Variants in RAPGEF1 observed in about 807,000 individuals in gnomAD.
The protein encoded by RAPGEF1 is CRK SH3-binding GNRP.
RAPGEF1 carries 33 observed loss-of-function variants against 143.3 expected under a neutral mutation model. That is an observed-to-expected ratio of 0.23 (90% CI 0.17 to 0.31). RAPGEF1 has a LOEUF of 0.31. Among genes scored for constraint, RAPGEF1 ranks in the 10% least tolerant of loss-of-function variants. The pLI, the probability that RAPGEF1 is intolerant of heterozygous loss-of-function variation, is 1.00. For synonymous variants in RAPGEF1, 629 were observed against 676.5 expected (o/e 0.93, Z 1.09); for missense variants, 1,199 against 1,645.4 (o/e 0.73, Z 4.69).
chr9:131,700,023 A>C (rs1834510556), intron 1 of RAPGEF1, among the ~76,000 whole-genome samples: 1 of 152,004 alleles, frequency 6.6e-6, no homozygotes, highest in Non-Finnish European at 1.5e-5. Flanking sequence ...ACACAGCCCC[A>C]ATCATCCCCC....
chr9:131,669,946 G>A (rs944093624), intron 1 of RAPGEF1, among the ~76,000 whole-genome samples: 2 of 152,186 alleles, frequency 1.3e-5, no homozygotes, highest in Non-Finnish European at 2.9e-5. Context: ...AGCTGGCAGC[G>A]ATGACAATGG....
At chr9:131,629,343 G>GAAGAAC in intron 6 of RAPGEF1, 89 bp from the exon 7 acceptor site, 1 of 1,326,438 alleles carries the variant, frequency 7.5e-7, no homozygotes, top group Non-Finnish European at 1.0e-6. Context: ...ACGTGACCAG[G>GAAGAAC]AAGAACACAG....
intron 1 of RAPGEF1, among the ~76,000 whole-genome samples, chr9:131,707,105 A>G (rs1265103409): frequency 3.3e-5 from 5 of 152,228 alleles, no homozygotes; most frequent in Admixed American, 3.3e-4. Flanking sequence ...TTTCTATTCT[A>G]AAAGTGGTGC....
At chr9:131,605,712 C>T (rs1026291363) in intron 12 of RAPGEF1, among the ~76,000 whole-genome samples, 8 of 151,910 alleles carry the variant, frequency 5.3e-5, no homozygotes, top group African/African-American at 1.5e-4. Flanking sequence ...GAAATGCTAA[C>T]GATGTCTGAG....
chr9:131,725,905 C>G (rs997993313), intron 1 of RAPGEF1, among the ~76,000 whole-genome samples: 1 of 151,798 alleles, frequency 6.6e-6, no homozygotes, highest in Non-Finnish European at 1.5e-5. Context: ...ACTACAGGCG[C>G]GTGCCACCAT....
In RAPGEF1 at chr9:131,628,960, G is replaced by T; in HGVS notation, c.893+142C>A. 2 of 1,171,064 alleles carry T rather than the reference G, an allele frequency of 1.7e-6. No homozygotes were observed. The highest frequency in any genetic ancestry group is 2.3e-6 in the Non-Finnish European group (2 of 857,018). The allele number at this position is 1,171,064 out of a possible 1,614,324, so 72.5% of individuals were successfully genotyped here. A position where few individuals can be genotyped will look rare whatever the true frequency, so the allele number is the denominator to read the frequency against. On this transcript the variant is annotated intron_variant, in intron 7 of 26. Transcript: ENST00000683357. This position sits in a 1 kb window ranked among gnomAD's most constrained non-coding sequence, Gnocchi z 5.7. ...AGCTCAGGGTGGCCAGCGAGGGCCGGCGGGGTGGGGACAGCTCCAGAGTCA... is the reference window on the plus strand; with the variant it reads ...AGCTCAGGGTGGCCAGCGAGGGCCGTCGGGGTGGGGACAGCTCCAGAGTCA...
Position 131,629,185 on chromosome 9 carries a change from T to G in RAPGEF1, c.810A>C (p.Ser270=). Residue 270 remains serine (S), a synonymous_variant, in exon 7 of 27, where the codon TCA becomes TCC. Coordinates refer to ENST00000683357, the MANE Select transcript of RAPGEF1 (RefSeq NM_001377935.1). The stretch of plus-strand genomic sequence containing the variant: ...CCGTGGCATCTGGGAGGAGCTCAGT[T>G]GACTGTGACATCCCAGTCGTCTTGT... The part of the protein sequence containing the change: ...ILNKTTGMSQ[S]TELLPDATDE... 1.2e-6 allele frequency: 2 copies of G among 1,613,984 alleles called. No individual in the cohort carries two copies. Among genetic ancestry groups the G allele is most frequent in the Non-Finnish European group, 1.7e-6 (2 of 1,179,858 alleles).
At chr9:131,590,424 G>A (rs1954015315) in intron 18 of RAPGEF1, among the ~76,000 whole-genome samples, 1 of 152,142 alleles carries the variant, frequency 6.6e-6, no homozygotes, top group Non-Finnish European at 1.5e-5. Flanking sequence ...TTTCCATCCT[G>A]AGGCTGCCTC....
At chr9:131,695,020 C>T (rs1445424960) in intron 1 of RAPGEF1, among the ~76,000 whole-genome samples, 4 of 145,998 alleles carry the variant, frequency 2.7e-5, no homozygotes, top group African/African-American at 7.6e-5. Context: ...ATTGTTCACG[C>T]ACTTTCTTTA....
At chr9:131,638,969 T>G (rs943484288) in intron 4 of RAPGEF1, among the ~76,000 whole-genome samples, 178 bp from the exon 5 acceptor site, 3 of 152,144 alleles carry the variant, frequency 2.0e-5, no homozygotes, top group Non-Finnish European at 2.9e-5. Context: ...CAACAAAGAT[T>G]TTGTGGAGCT....
intron 1 of RAPGEF1, among the ~76,000 whole-genome samples, chr9:131,721,659 C>T (rs1317086741): frequency 1.3e-5 from 2 of 152,050 alleles, no homozygotes; most frequent in Non-Finnish European, 2.9e-5. Context: ...GACATTTGGC[C>T]CTCTGTAGCC....
chr9:131,589,828 T>A (rs1588230282), intron 19 of RAPGEF1, 58 bp downstream of exon 19: 2 of 1,483,542 alleles, frequency 1.3e-6, no homozygotes, highest in Non-Finnish European at 1.9e-6. Context: ...GAGAAGCAGG[T>A]GGAATGGAGC....
In RAPGEF1 at chr9:131,698,835, G is replaced by A. The variant is rs548485480; in HGVS notation, c.61+40935C>T. On this transcript the variant is annotated intron_variant, in intron 1 of 26. Transcript: ENST00000683357. ...ATTGTAGACACTTGAGGAACCCTAG[G>A]CAAGACCAGGAGCCCAGCAGCCCAG... Among the ~76,000 whole-genome samples the A allele has an allele frequency of 2.6e-5, 4 of 152,308 alleles. No individual in the cohort carries two copies. In the East Asian group the frequency reaches 7.7e-4, roughly 29 times the overall value.
intron 21 of RAPGEF1, 34 bp downstream of exon 21, chr9:131,587,908 C>T (rs1953448781): frequency 6.4e-7 from 1 of 1,560,440 alleles, no homozygotes; most frequent in African/African-American, 1.4e-5. Context: ...CAGGGACAAA[C>T]AGTGTGGCTC....
intron 14 of RAPGEF1, among the ~76,000 whole-genome samples, 188 bp downstream of exon 14, chr9:131,603,773 C>T (rs1956657391): frequency 1.3e-5 from 2 of 152,214 alleles, no homozygotes; most frequent in Non-Finnish European, 1.5e-5. Context: ...GGCAGACCTC[C>T]ACCTGGAAGC....
intron 1 of RAPGEF1, among the ~76,000 whole-genome samples, chr9:131,691,719 A>C (rs1833792757): frequency 6.6e-6 from 1 of 152,190 alleles, no homozygotes; most frequent in African/African-American, 2.4e-5. Context: ...CCAGAACTCT[A>C]ATAAAGAAAC....
chr9:131,624,570 G>C (rs556409880), intron 10 of RAPGEF1, among the ~76,000 whole-genome samples: 1 of 152,210 alleles, frequency 6.6e-6, no homozygotes, highest in South Asian at 2.1e-4. Context: ...CAGCTTGCAA[G>C]GATGCCATCC....
intron 1 of RAPGEF1, among the ~76,000 whole-genome samples, chr9:131,699,803 G>C (rs1441155851): frequency 6.6e-6 from 1 of 152,056 alleles, no homozygotes; most frequent in Non-Finnish European, 1.5e-5. Flanking sequence ...GAGTGCTCTG[G>C]GGCTCAGGCT....
Position 131,628,619 on chromosome 9 carries a change from C to G in RAPGEF1, c.947G>C (p.Arg316Pro). Reference sequence around the variant, plus strand: ...GCTCATGGGGGCCACCACAGCCACTCGGGTAGGGGACGGCGCCGACTGTCT... The same window carrying G: ...GCTCATGGGGGCCACCACAGCCACTGGGGTAGGGGACGGCGCCGACTGTCT... The part of the protein sequence containing the change: ...KKRQSAPSPT[R>P]VAVVAPMSRA... The change falls in exon 8 of 27, where the codon CGA becomes CCA. Residue 316 changes from arginine (R) to proline (P), a missense_variant. Transcript: ENST00000683357. The surrounding 1 kb of genome is among the most constrained non-coding windows in gnomAD (Gnocchi z 5.7). 2 of 1,613,068 alleles carry G rather than the reference C, an allele frequency of 1.2e-6. No homozygotes were observed. Among genetic ancestry groups the G allele is most frequent in the South Asian group, 2.2e-5 (2 of 91,044 alleles).
Sources: gnomAD v4.1 joint callset for allele counts (sites outside exome capture counted in the v4.1 genomes callset) on GRCh38, gnomAD v4.1.1 for gene constraint, Gnocchi (gnomAD v3.1) non-coding constraint, MANE v1.5 for transcripts, NCBI Gene and HGNC (gene_info 2026-07-23, HGNC 2026-07-21) for gene names.